Variants in LAMP2 observed in about 807,000 individuals in gnomAD.
The protein encoded by LAMP2 is lysosome associated membrane protein 2, also known as lysosome-associated membrane glycoprotein 2.
In LAMP2, 4 loss-of-function variants were observed where a neutral mutation model predicts 25.6. That is an observed-to-expected ratio of 0.16 (90% confidence interval 0.08 to 0.36). The LOEUF is 0.36. Ranked by LOEUF, LAMP2 falls within the 10% of genes least tolerant of loss-of-function variation. The probability of loss-of-function intolerance (pLI) is 1.00; values close to 1 mark genes in which losing one functional copy is unlikely to be tolerated. For synonymous variants in LAMP2, 108 were observed against 112.7 expected (o/e 0.96, Z 0.27); for missense variants, 272 against 301.4 (o/e 0.90, Z 0.72).
intron 8 of LAMP2, chrX:120,436,883 G>A: frequency 6.8e-6 from 5 of 734,742 alleles, no homozygotes; most frequent in Non-Finnish European, 8.0e-6. Context: ...CATATAATCT[G>A]AATGTAGAAA....
In LAMP2 at chrX:120,431,250, G is replaced by A. The variant is rs2058521671; in HGVS notation, c.*73C>T. ...ACATATCAATTTTAAGAAGCAAAGT[G>A]TTTCAACAACTGAGAGGTAAGAAAA... On this transcript the variant is annotated 3_prime_UTR_variant, in exon 9 of 9. Coordinates refer to ENST00000200639, the MANE Select transcript of LAMP2 (RefSeq NM_002294.3). The A allele has an allele frequency of 8.3e-7, 1 of 1,198,489 alleles. No homozygotes were observed. The highest frequency in any genetic ancestry group is 1.7e-5 in the African/African-American group (1 of 57,550).
At chrX:120,449,672 C>T (rs927330721) in intron 3 of LAMP2, among the ~76,000 whole-genome samples, 5 of 112,148 alleles carry the variant, frequency 4.5e-5, no homozygotes, top group African/African-American at 1.3e-4. Flanking sequence ...GAAGGAAAGA[C>T]AAGTTGCAGG....
chrX:120,452,503 T>G (rs191602375), intron 3 of LAMP2, among the ~76,000 whole-genome samples: 1 of 111,581 alleles, frequency 9.0e-6, no homozygotes, highest in Admixed American at 9.5e-5. Flanking sequence ...TCAGGACCAC[T>G]TGTGGGAACA....
intron 3 of LAMP2, among the ~76,000 whole-genome samples, chrX:120,450,186 T>C (rs1238919816): frequency 8.9e-6 from 1 of 112,281 alleles, no homozygotes; most frequent in Non-Finnish European, 1.9e-5. Flanking sequence ...AGCAGTAAGT[T>C]ACAGCCATTT....
At position 120,446,460 on chromosome X, in the gene LAMP2, G is replaced by T. The variant is rs2058596912; in HGVS notation, c.742-33C>A. On this transcript the variant is annotated intron_variant, in intron 5 of 8. Transcript: ENST00000200639. The stretch of plus-strand genomic sequence containing the variant: ...AGAAGAAGAAAGGGAAAAGGTACAG[G>T]TTAGCTATAAAAGTGGCCAGCAAAG... 2.5e-6 allele frequency: 3 copies of T among 1,204,150 alleles called. No individual in the cohort carries two copies. The Admixed American group carries it at 6.5e-5, about 26-fold the overall frequency.
intron 5 of LAMP2, among the ~76,000 whole-genome samples, chrX:120,446,904 G>A (rs895504398): frequency 2.7e-5 from 3 of 112,048 alleles, no homozygotes; most frequent in Non-Finnish European, 5.6e-5. Context: ...AAAGTGTGAA[G>A]GAGTTATATT....
intron 3 of LAMP2, among the ~76,000 whole-genome samples, chrX:120,453,910 T>G (rs2058632822): frequency 1.8e-5 from 2 of 112,633 alleles, no homozygotes; most frequent in East Asian, 5.5e-4. Flanking sequence ...TTGCCAATGC[T>G]TCCCAAGTTC....
At chrX:120,450,145 A>G (rs914552903) in intron 3 of LAMP2, among the ~76,000 whole-genome samples, 2 of 112,351 alleles carry the variant, frequency 1.8e-5, no homozygotes, top group African/African-American at 6.5e-5. Flanking sequence ...TTTAAAGATG[A>G]TTCCATTTCA....
rs375062333 is a variant in LAMP2 at position 120,437,478 on chromosome X, A to G, written c.1093+4252T>C. Reference sequence around the variant, plus strand: ...TTCCATATATGGCTGCATATTAACAATTTTAATATTTGCTCAGCCATTCCA... The same window carrying G: ...TTCCATATATGGCTGCATATTAACAGTTTTAATATTTGCTCAGCCATTCCA... On this transcript the variant is annotated intron_variant, in intron 8 of 8. Transcript: ENST00000200639. The G allele has an allele frequency of 1.3e-5, 10 of 747,782 alleles. No homozygotes were observed. In the African/African-American group the frequency reaches 2.3e-4, roughly 18 times the overall value. 61.6% of individuals were successfully genotyped at this position (747,782 alleles called of 1,213,427 possible).
chrX:120,439,778 C>T (rs1028109222), intron 8 of LAMP2, among the ~76,000 whole-genome samples: 2 of 110,027 alleles, frequency 1.8e-5, no homozygotes, highest in Non-Finnish European at 3.8e-5. Context: ...ATTACTTTAT[C>T]AGAAATAAAG....
rs769883128 is a variant in LAMP2 at position 120,455,563 on chromosome X, A to C, written c.191T>G (p.Val64Gly). 1 of 1,201,936 alleles carries C rather than the reference A, an allele frequency of 8.3e-7. No individual in the cohort carries two copies. The highest frequency in any genetic ancestry group is 1.8e-5 in the South Asian group (1 of 56,725). ...YETTNKTYKT[V>G]TISDHGTVTY... ...CACAGTGCCATGGTCTGAAATGGTT[A>C]CAGTTTTCTAAAAGAAATAGAAATT... Residue 64 changes from valine (V) to glycine (G), a missense_variant, in exon 3 of 9, where the codon GTA becomes GGA. Val to Gly is a moderately radical substitution (Grantham distance 109). Transcript: ENST00000200639.
In LAMP2 at chrX:120,436,657, C is replaced by A. The variant is rs764972817; in HGVS notation, c.1093+5073G>T. The A allele has an allele frequency of 2.1e-4, 153 of 732,983 alleles. No homozygotes were observed. The African/African-American group carries it at 3.2e-3, about 15-fold the overall frequency. 60.4% of individuals were successfully genotyped at this position (732,983 alleles called of 1,213,427 possible). A position where few individuals can be genotyped will look rare whatever the true frequency, so the allele number is the denominator to read the frequency against. ...CAGTTTCTTTATACAAATGCTAAAACATGAAAAACACCCAAAACCAGATAG... is the reference window on the plus strand; with the variant it reads ...CAGTTTCTTTATACAAATGCTAAAAAATGAAAAACACCCAAAACCAGATAG... On this transcript the variant is annotated intron_variant, in intron 8 of 8. Coordinates refer to ENST00000200639, the MANE Select transcript of LAMP2 (RefSeq NM_002294.3).
Position 120,429,716 on chromosome X carries a change from T to A in LAMP2, c.*1607A>T. The A allele has an allele frequency of 1.3e-6, 1 of 754,141 alleles. No homozygotes were observed. The highest frequency in any genetic ancestry group is 1.6e-6 in the Non-Finnish European group (1 of 639,162). The allele number at this position is 754,141 out of a possible 1,213,427, so 62.1% of individuals were successfully genotyped here. ...TGTAAACCAGCTGTTGTTTTACTGT[T>A]GAGTGACTAGATTTCATTAGGGGCA... is the stretch of plus-strand genomic sequence containing the variant. On this transcript the variant is annotated 3_prime_UTR_variant, in exon 9 of 9. Coordinates refer to ENST00000200639, the MANE Select transcript of LAMP2 (RefSeq NM_002294.3).
rs1334619906 is a variant in LAMP2, at chrX:120,426,174, A to G, written c.*5149T>C. Reference sequence around the variant, plus strand: ...GGTATGGAATGTATGATCTTTATTAATTTTTAATCCATCAATCTAAAATCA... The same window carrying G: ...GGTATGGAATGTATGATCTTTATTAGTTTTTAATCCATCAATCTAAAATCA... On this transcript the variant is annotated 3_prime_UTR_variant, in exon 9 of 9. Coordinates refer to ENST00000200639, the MANE Select transcript of LAMP2 (RefSeq NM_002294.3). Among the ~76,000 whole-genome samples, 6 of 100,266 alleles carry G rather than the reference A, an allele frequency of 6.0e-5. No individual in the cohort carries two copies. Among genetic ancestry groups the G allele is most frequent in the Admixed American group, 1.2e-4 (1 of 8,689 alleles). The allele number at this position is 100,266 out of a possible 115,157, so 87.1% of individuals were successfully genotyped here.
intron 1 of LAMP2, among the ~76,000 whole-genome samples, chrX:120,461,878 T>G (rs1921325349): frequency 8.9e-6 from 1 of 112,223 alleles, no homozygotes; most frequent in African/African-American, 3.2e-5. Context: ...GGATATTCCC[T>G]CAAACCCCAT....
intron 8 of LAMP2, among the ~76,000 whole-genome samples, chrX:120,432,629 G>A: frequency 8.9e-6 from 1 of 111,802 alleles, no homozygotes; most frequent in Non-Finnish European, 1.9e-5. Flanking sequence ...ACGAGGAGGA[G>A]ATAATAGAAT....
chrX:120,435,444 G>A (rs776125739), intron 8 of LAMP2, among the ~76,000 whole-genome samples: 5 of 111,802 alleles, frequency 4.5e-5, no homozygotes, highest in Non-Finnish European at 7.5e-5. Context: ...ATAAACAGAT[G>A]AAATACTATC....
rs759105844 is a variant in LAMP2 at position 120,430,282 on chromosome X, G to C, written c.*1041C>G. The C allele has an allele frequency of 1.3e-6, 1 of 753,106 alleles. No individual in the cohort carries two copies. The highest frequency in any genetic ancestry group is 2.3e-5 in the African/African-American group (1 of 43,437). 62.1% of individuals were successfully genotyped at this position (753,106 alleles called of 1,213,427 possible). A position where few individuals can be genotyped will look rare whatever the true frequency, so the allele number is the denominator to read the frequency against. On this transcript the variant is annotated 3_prime_UTR_variant, in exon 9 of 9. Transcript: ENST00000200639. ...TATCTAGCTCATTTTAATGCCAACA[G>C]CTTCTCTTTACACCCCCATCTATGC... is the stretch of plus-strand genomic sequence containing the variant.
chrX:120,466,840 C>CA (rs1921554224), intron 1 of LAMP2, among the ~76,000 whole-genome samples: 1 of 81,544 alleles, frequency 1.2e-5, no homozygotes, highest in Non-Finnish European at 2.2e-5. Context: ...CAAATAACTT[C>CA]TTTTTTTTTT....
Sources: allele counts gnomAD v4.1 joint callset (sites outside exome capture counted in the v4.1 genomes callset), GRCh38; gene constraint gnomAD v4.1.1; transcripts MANE v1.5; gene names NCBI Gene and HGNC (gene_info 2026-07-23, HGNC 2026-07-21).